Variants in SEPTIN12 observed in about 807,000 individuals in gnomAD.
The protein encoded by SEPTIN12 is septin-12.
In SEPTIN12, 42 loss-of-function variants were observed where a neutral mutation model predicts 37.7. The ratio of observed to expected loss-of-function variants is 1.11; its 90% CI spans 0.87 to 1.44. The LOEUF (loss-of-function observed/expected upper bound fraction) is 1.44. SEPTIN12 is among the 40% of genes most tolerant of loss of function. The pLI is 0.00. For synonymous variants in SEPTIN12, 254 were observed against 196.7 expected (o/e 1.29, Z -2.44); for missense variants, 613 against 479.2 (o/e 1.28, Z -2.61).
chr16:4,785,940 G>GGGGCAGGGTGGGGTGAGGTGT lies in SEPTIN12; in HGVS notation c.292+19_292+39dup, dbSNP rs765536478. 1.2e-5 allele frequency: 20 copies of GGGGCAGGGTGGGGTGAGGTGT among 1,610,064 alleles called. No homozygotes were observed. The East Asian group carries it at 3.8e-4, about 31-fold the overall frequency. On this transcript the variant is annotated intron_variant, in intron 3 of 9. Coordinates refer to ENST00000268231, the MANE Select transcript of SEPTIN12 (RefSeq NM_144605.5). ...AGACTGGACCCAGGTGGGATGGGGTGGGGCAGGGTGGGGTGAGGTGTGGGC... is the reference window on the plus strand; with the variant it reads ...AGACTGGACCCAGGTGGGATGGGGTGGGGCAGGGTGGGGTGAGGTGTGGGCAGGGTGGGGTGAGGTGTGGGC...
chr16:4,778,271 T>C (rs1469869142), intron 8 of SEPTIN12, 134 bp from the exon 9 acceptor site: 1 of 941,188 alleles, frequency 1.1e-6, no homozygotes, highest in Non-Finnish European at 1.7e-6. Flanking sequence ...CTTCCCTTTG[T>C]TGGTTCATTC....
intron 8 of SEPTIN12, among the ~76,000 whole-genome samples, chr16:4,779,243 C>T (rs1428879395): frequency 2.0e-5 from 3 of 151,944 alleles, no homozygotes; most frequent in Non-Finnish European, 2.9e-5. Flanking sequence ...CTCTCCCTCC[C>T]GCCACAATCG....
At chr16:4,784,948 TA>T (rs2082420076) in intron 4 of SEPTIN12, among the ~76,000 whole-genome samples, 1 of 151,438 alleles carries the variant, frequency 6.6e-6, no homozygotes, top group South Asian at 2.1e-4. Context: ...CCGTCTCTAC[TA>T]AAAATACAAA....
intron 4 of SEPTIN12, 128 bp downstream of exon 4, chr16:4,785,679 G>A: frequency 1.5e-6 from 1 of 684,278 alleles, no homozygotes; most frequent in Non-Finnish European, 2.5e-6. Flanking sequence ...TCGGGAGGCT[G>A]AGGCAGGAGA....
At chr16:4,782,986 T>G (rs1335288794) in intron 7 of SEPTIN12, among the ~76,000 whole-genome samples, 2 of 151,674 alleles carry the variant, frequency 1.3e-5, no homozygotes, top group Non-Finnish European at 2.9e-5. Flanking sequence ...GCTCACTCAC[T>G]GCAACCTCTG....
chr16:4,785,910 G>A (rs377691871), intron 3 of SEPTIN12, 22 bp from the exon 4 acceptor site: 21 of 1,612,620 alleles, frequency 1.3e-5, no homozygotes, highest in Admixed American at 1.0e-4. Context: ...GAGCAGAGTC[G>A]GGAGAGACTG....
At chr16:4,778,402 T>C (rs2082336713) in intron 8 of SEPTIN12, among the ~76,000 whole-genome samples, 1 of 152,260 alleles carries the variant, frequency 6.6e-6, no homozygotes, top group Admixed American at 6.5e-5. Flanking sequence ...TCTGTATCCA[T>C]GGGTGCCCAC....
chr16:4,791,708 G>A (rs1233593027), upstream of SEPTIN12, among the ~76,000 whole-genome samples: 1 of 152,072 alleles, frequency 6.6e-6, no homozygotes, highest in Non-Finnish European at 1.5e-5. Context: ...TGTTTTCTGA[G>A]ACACAGTCTC....
chr16:4,785,957 G>A lies in SEPTIN12; in HGVS notation c.292+23C>T, dbSNP rs762136744. The A allele has an allele frequency of 4.3e-6, 7 of 1,610,942 alleles. No individual in the cohort carries two copies. In the African/African-American group the frequency reaches 8.0e-5, roughly 18 times the overall value. On this transcript the variant is annotated intron_variant, in intron 3 of 9. Transcript: ENST00000268231. Reference sequence around the variant, plus strand: ...GATGGGGTGGGGCAGGGTGGGGTGAGGTGTGGGCAGGGGCTCACTCACCAT... The same window carrying A: ...GATGGGGTGGGGCAGGGTGGGGTGAAGTGTGGGCAGGGGCTCACTCACCAT...
At chr16:4,782,004 GCA>G (rs2082377660) in intron 7 of SEPTIN12, among the ~76,000 whole-genome samples, 1 of 135,544 alleles carries the variant, frequency 7.4e-6, no homozygotes, top group African/African-American at 2.8e-5. Flanking sequence ...AGGCTGGAGT[GCA>G]GTGTCACAAT....
intron 7 of SEPTIN12, 142 bp downstream of exon 7, chr16:4,783,320 G>A (rs2082393147): frequency 2.8e-6 from 2 of 703,806 alleles, no homozygotes; most frequent in Non-Finnish European, 5.1e-6. Flanking sequence ...TGCTCACCTT[G>A]AGCTTGTGGA....
chr16:4,778,272 T>C (rs1001458062), intron 8 of SEPTIN12, 135 bp from the exon 9 acceptor site: 41 of 928,834 alleles, frequency 4.4e-5, no homozygotes, highest in Non-Finnish European at 6.1e-5. Context: ...TTCCCTTTGT[T>C]GGTTCATTCA....
upstream of SEPTIN12, among the ~76,000 whole-genome samples, chr16:4,791,320 G>A (rs551145303): frequency 6.6e-6 from 1 of 152,180 alleles, no homozygotes; most frequent in Non-Finnish European, 1.5e-5. Context: ...TCTATGCAGC[G>A]TGACTATGGT....
rs569382908 is a variant in SEPTIN12, at chr16:4,787,320, G to C, written c.166+160C>G. The stretch of plus-strand genomic sequence containing the variant: ...CACATTTTTGTCTTTTAATGACTCA[G>C]CATTTCTCAAATTTTCAATGACAAC... On this transcript the variant is annotated intron_variant, in intron 2 of 9. Transcript: ENST00000268231. 3.9e-4 allele frequency: 283 copies of C among 725,484 alleles called. No individual in the cohort carries two copies. The African/African-American group carries it at 4.4e-3, about 11-fold the overall frequency. The allele number at this position is 725,484 out of a possible 1,614,324, so 44.9% of individuals were successfully genotyped here. A position where few individuals can be genotyped will look rare whatever the true frequency, so the allele number is the denominator to read the frequency against.
At chr16:4,791,172 T>C (rs76419563), upstream of SEPTIN12, among the ~76,000 whole-genome samples, 1 of 152,110 alleles carries the variant, frequency 6.6e-6, no homozygotes, top group Admixed American at 6.5e-5. Flanking sequence ...ATCGTGGCGG[T>C]GAGGGGAGGA....
intron 4 of SEPTIN12, 93 bp from the exon 5 acceptor site, chr16:4,784,161 G>T (rs2141874539): frequency 6.7e-7 from 1 of 1,496,166 alleles, no homozygotes; most frequent in Non-Finnish European, 9.2e-7. Context: ...TCCTCCCTTG[G>T]GACGACGAAT....
intron 2 of SEPTIN12, among the ~76,000 whole-genome samples, chr16:4,786,654 C>T (rs1259021928): frequency 6.6e-6 from 1 of 151,734 alleles, no homozygotes; most frequent in Non-Finnish European, 1.5e-5. Flanking sequence ...CACACCCGGC[C>T]TTGCACTGTT....
intron 7 of SEPTIN12, 92 bp from the exon 8 acceptor site, chr16:4,779,878 C>G: frequency 2.5e-6 from 2 of 806,098 alleles, no homozygotes; most frequent in Non-Finnish European, 4.3e-6. Context: ...GAGGGGAGTC[C>G]TATCCTTTTC....
upstream of SEPTIN12, among the ~76,000 whole-genome samples, chr16:4,789,340 T>C (rs1473475445): frequency 6.6e-6 from 1 of 151,544 alleles, no homozygotes; most frequent in Non-Finnish European, 1.5e-5. Context: ...TTCTTTTTTT[T>C]TTTGAGACGG....
Sources: gnomAD v4.1 joint callset for allele counts (sites outside exome capture counted in the v4.1 genomes callset) on GRCh38, gnomAD v4.1.1 for gene constraint, MANE v1.5 for transcripts, NCBI Gene and HGNC (gene_info 2026-07-23, HGNC 2026-07-21) for gene names.